ROBO1: variants seen among roughly 807,000 people sequenced by gnomAD.
ROBO1 encodes the protein roundabout guidance receptor 1.
ROBO1 carries 149 observed loss-of-function variants against 195.9 expected under a neutral mutation model. The observed-to-expected ratio is 0.76, with a 90% CI of 0.67 to 0.87. The LOEUF is 0.87. ROBO1 is among the 40% of genes least tolerant of loss of function. ROBO1 has a pLI of 0.00. For missense variants in ROBO1, 1,933 were observed against 2,068.3 expected, an observed-to-expected ratio of 0.93 and a Z score of 1.27; for synonymous variants, 816 against 733.2, an observed-to-expected ratio of 1.11 and a Z score of -1.82.
chr3:78,974,085 AC>A (rs752099399), intron 3 of ROBO1, among the ~76,000 whole-genome samples: 80 of 152,306 alleles, frequency 5.3e-4, no homozygotes, highest in Non-Finnish European at 2.1e-4. Flanking sequence ...TCAAAAAAAA[AC>A]ATCATTAGCG....
At chr3:79,216,658 A>T (rs2082060428) in intron 2 of ROBO1, among the ~76,000 whole-genome samples, 1 of 152,060 alleles carries the variant, frequency 6.6e-6, no homozygotes, top group Non-Finnish European at 1.5e-5. Flanking sequence ...ATTGTATTAC[A>T]TGATTTAGCT....
At chr3:79,507,172 G>T (rs1940444222) in intron 2 of ROBO1, among the ~76,000 whole-genome samples, 1 of 152,122 alleles carries the variant, frequency 6.6e-6, no homozygotes, top group Non-Finnish European at 1.5e-5. Context: ...AGAGTGAGGA[G>T]CATGATGATG....
At chr3:78,725,284 G>C (rs930561644) in intron 5 of ROBO1, among the ~76,000 whole-genome samples, 2 of 152,278 alleles carry the variant, frequency 1.3e-5, no homozygotes, top group Middle Eastern at 3.4e-3. Flanking sequence ...TTTTGGGAAA[G>C]AGACAGAGAG....
At chr3:79,749,756 A>G (rs532968198) in intron 1 of ROBO1, among the ~76,000 whole-genome samples, 3 of 152,190 alleles carry the variant, frequency 2.0e-5, no homozygotes, top group Non-Finnish European at 4.4e-5. Context: ...GACGTTTGGG[A>G]ACCTCCACCT....
chr3:78,971,057 G>A (rs2076754157), intron 3 of ROBO1, among the ~76,000 whole-genome samples: 1 of 152,126 alleles, frequency 6.6e-6, no homozygotes, highest in African/African-American at 2.4e-5. Context: ...CAGTTTCTTA[G>A]ATTTGGTTCA....
chr3:79,496,916 A>C lies in ROBO1; in HGVS notation c.88+92908T>G, dbSNP rs556398971. 3.3e-5 allele frequency among the ~76,000 whole-genome samples: 5 copies of C among 152,340 alleles called. No individual in the cohort carries two copies. In the East Asian group the frequency reaches 9.6e-4, roughly 29 times the overall value. On this transcript the variant is annotated intron_variant, in intron 2 of 30. Transcript: ENST00000464233. ...TATCATTTTCCAAAACTGGTTGTTT[A>C]TCTCTTCCCAACCTGTCAATGTTGC...
At chr3:79,628,956 T>C (rs1576145824) in intron 1 of ROBO1, among the ~76,000 whole-genome samples, 1 of 152,176 alleles carries the variant, frequency 6.6e-6, no homozygotes, top group African/African-American at 2.4e-5. Flanking sequence ...AAAACTATTG[T>C]AATTATGTAT....
At chr3:79,399,337 G>A (rs929570828) in intron 2 of ROBO1, among the ~76,000 whole-genome samples, 8 of 151,876 alleles carry the variant, frequency 5.3e-5, no homozygotes. Flanking sequence ...AAGGCCCTAC[G>A]TGACCGGCTG....
At chr3:78,653,298 C>T (rs1706794872) in intron 18 of ROBO1, among the ~76,000 whole-genome samples, 1 of 151,968 alleles carries the variant, frequency 6.6e-6, no homozygotes, top group Non-Finnish European at 1.5e-5. Flanking sequence ...ACGGTGGCCA[C>T]CTCCCTGTGG....
chr3:79,437,022 T>G (rs1284588226), intron 2 of ROBO1, among the ~76,000 whole-genome samples: 2 of 152,058 alleles, frequency 1.3e-5, no homozygotes, highest in East Asian at 3.8e-4. Context: ...GCAAAGAAAT[T>G]AATTTTGTGC....
chr3:79,713,269 C>T (rs573457459), intron 1 of ROBO1, among the ~76,000 whole-genome samples: 20 of 152,136 alleles, frequency 1.3e-4, no homozygotes, highest in African/African-American at 4.3e-4. Context: ...GCAAATTTGA[C>T]CTTCAAATCT....
chr3:79,150,367 A>G (rs958116936), intron 2 of ROBO1, among the ~76,000 whole-genome samples: 1 of 151,726 alleles, frequency 6.6e-6, no homozygotes, highest in African/African-American at 2.4e-5. Context: ...GCACACAGTG[A>G]ATGTGAAGTA....
intron 4 of ROBO1, among the ~76,000 whole-genome samples, chr3:78,846,464 C>A (rs1405788379): frequency 1.3e-5 from 2 of 152,084 alleles, no homozygotes; most frequent in African/African-American, 4.8e-5. Flanking sequence ...CAAGCCTTCT[C>A]ACCAGTAAAG....
At chr3:79,154,299 T>G (rs1220433784) in intron 2 of ROBO1, among the ~76,000 whole-genome samples, 1 of 151,790 alleles carries the variant, frequency 6.6e-6, no homozygotes, top group Non-Finnish European at 1.5e-5. Flanking sequence ...TCATCTCAGA[T>G]CATGTTCACT....
In ROBO1 at chr3:78,939,447, T is replaced by C. The variant is rs12630544; in HGVS notation, c.173-520A>G. ...GGCTAACAAGGTGAAACCCCGTCTCTACTAAAAAAAAAAAAAAAAAATTAG... is the reference window on the plus strand; with the variant it reads ...GGCTAACAAGGTGAAACCCCGTCTCCACTAAAAAAAAAAAAAAAAAATTAG... On this transcript the variant is annotated intron_variant, in intron 3 of 30. Coordinates refer to ENST00000464233, the MANE Select transcript of ROBO1 (RefSeq NM_002941.4). Among the ~76,000 whole-genome samples, 70 of 143,908 alleles carry C rather than the reference T, an allele frequency of 4.9e-4. 1 individual carries two copies. The East Asian group carries it at 0.014, about 28-fold the overall frequency. 94.4% of individuals were successfully genotyped at this position (143,908 alleles called of 152,430 possible).
At chr3:79,286,654 A>T (rs904972672) in intron 2 of ROBO1, among the ~76,000 whole-genome samples, 2 of 152,168 alleles carry the variant, frequency 1.3e-5, no homozygotes, top group African/African-American at 4.8e-5. Context: ...AGTATGAGAA[A>T]TGAACAGATT....
chr3:79,620,219 G>T (rs1197754164), intron 1 of ROBO1, among the ~76,000 whole-genome samples: 1 of 152,124 alleles, frequency 6.6e-6, no homozygotes, highest in African/African-American at 2.4e-5. Context: ...CACTCCCAGA[G>T]CCCCTGGAAC....
At chr3:78,974,728 C>T (rs1211120509) in intron 3 of ROBO1, among the ~76,000 whole-genome samples, 2 of 152,088 alleles carry the variant, frequency 1.3e-5, no homozygotes, top group South Asian at 2.1e-4. Flanking sequence ...CTATCCAAGT[C>T]CCTCTGCTGA....
chr3:78,664,823 C>T (rs748704833), intron 14 of ROBO1, among the ~76,000 whole-genome samples: 3 of 152,162 alleles, frequency 2.0e-5, no homozygotes, highest in Non-Finnish European at 2.9e-5. Context: ...GCCTTCTGGT[C>T]CCTCCAGTGA....
Sources: gnomAD v4.1 joint callset for allele counts (sites outside exome capture counted in the v4.1 genomes callset) on GRCh38, gnomAD v4.1.1 for gene constraint, MANE v1.5 for transcripts, NCBI Gene and HGNC (gene_info 2026-07-23, HGNC 2026-07-21) for gene names.